The following PHLPP1 variants were observed in gnomAD, a reference collection of about 807,000 sequenced individuals.
PHLPP1 encodes the protein PH domain leucine-rich repeat-containing protein phosphatase 1.
Under a neutral mutation model 117.2 loss-of-function variants are expected in PHLPP1, and 42 were observed. The observed-to-expected ratio is 0.36, with a 90% CI of 0.28 to 0.46. The LOEUF is 0.46. Among genes scored for constraint, PHLPP1 ranks in the 20% least tolerant of loss-of-function variants. The pLI, the probability that PHLPP1 is intolerant of heterozygous loss-of-function variation, is 1.00. For synonymous variants in PHLPP1, 1,042 were observed against 970.7 expected (o/e 1.07, Z -1.37); for missense variants, 2,084 against 2,241.9 (o/e 0.93, Z 1.42).
rs1599152331 is a variant in PHLPP1, at chr18:62,979,595, T to A, written c.*164T>A. On this transcript the variant is annotated 3_prime_UTR_variant, in exon 17 of 17. Transcript: ENST00000262719. The stretch of plus-strand genomic sequence containing the variant: ...GTAGGTTCTCTTTCTTTGGGTTATT[T>A]TTTTAAGTAATCACCACTTTCTTCT... The A allele has an allele frequency of 1.4e-6, 1 of 731,446 alleles. No individual in the cohort carries two copies. The highest frequency in any genetic ancestry group is 2.2e-6 in the Non-Finnish European group (1 of 455,438). The allele number at this position is 731,446 out of a possible 1,614,324, so 45.3% of individuals were successfully genotyped here. A position where few individuals can be genotyped will look rare whatever the true frequency, so the allele number is the denominator to read the frequency against.
chr18:62,771,463 T>A (rs543344786), intron 1 of PHLPP1, among the ~76,000 whole-genome samples: 1 of 152,336 alleles, frequency 6.6e-6, no homozygotes, highest in East Asian at 1.9e-4. Flanking sequence ...CAGAATTACC[T>A]GTACCATCTG....
intron 6 of PHLPP1, among the ~76,000 whole-genome samples, chr18:62,898,439 T>C (rs1352138024): frequency 6.6e-6 from 1 of 152,232 alleles, no homozygotes; most frequent in African/African-American, 2.4e-5. Context: ...TCACTGTGAC[T>C]GTTGTCTTCT....
chr18:62,862,597 G>A (rs1463214564), intron 4 of PHLPP1, among the ~76,000 whole-genome samples: 1 of 152,158 alleles, frequency 6.6e-6, no homozygotes, highest in African/African-American at 2.4e-5. Context: ...ATAATAGTTT[G>A]TCAGTTGCTC....
intron 3 of PHLPP1, among the ~76,000 whole-genome samples, chr18:62,854,092 A>G (rs1199112845): frequency 6.6e-6 from 1 of 152,168 alleles, no homozygotes; most frequent in Admixed American, 6.5e-5. Context: ...CCTACCCCAC[A>G]TACTGTTAAG....
At chr18:62,787,091 A>G (rs1224036133) in intron 1 of PHLPP1, among the ~76,000 whole-genome samples, 1 of 152,164 alleles carries the variant, frequency 6.6e-6, no homozygotes, top group Non-Finnish European at 1.5e-5. Flanking sequence ...GTGCAGGGAA[A>G]AAATTCAATT....
intron 9 of PHLPP1, 31 bp downstream of exon 9, chr18:62,915,039 C>T (rs1474377350): frequency 6.8e-7 from 1 of 1,472,578 alleles, no homozygotes; most frequent in East Asian, 2.3e-5. Context: ...GAGAGGATCT[C>T]ACAATAAATG....
chr18:62,761,415 G>A (rs1451514322), intron 1 of PHLPP1, among the ~76,000 whole-genome samples: 1 of 151,798 alleles, frequency 6.6e-6, no homozygotes, highest in African/African-American at 2.4e-5. Flanking sequence ...GGCAGATCAC[G>A]AGGTCATGAG....
At chr18:62,847,494 C>T (rs1368412856) in intron 3 of PHLPP1, among the ~76,000 whole-genome samples, 1 of 152,008 alleles carries the variant, frequency 6.6e-6, no homozygotes, top group African/African-American at 2.4e-5. Flanking sequence ...CGGGTTTGAT[C>T]TGTATAATGT....
At chr18:62,951,201 T>G (rs570449482) in intron 12 of PHLPP1, among the ~76,000 whole-genome samples, 195 of 152,218 alleles carry the variant, frequency 1.3e-3, no homozygotes, top group African/African-American at 4.5e-3. Context: ...CAGGATGGTC[T>G]CAACCTCCTG....
Position 62,941,864 on chromosome 18 carries a change from C to T in PHLPP1, c.3107C>T (p.Pro1036Leu). ...TGTGTGCCCTTGTTAACGGGACACC[C>T]CCATTTGAAGATCCTTCACATGGCC... Reference protein sequence around the residue: ...DKCVPLLTGHPHLKILHMAYN... With the variant: ...DKCVPLLTGHLHLKILHMAYN... Residue 1036 changes from proline (P) to leucine (L), a missense_variant, in exon 11 of 17, where the codon CCC (proline) becomes CTC (leucine). Physicochemically the swap from Pro to Leu is moderately conservative, Grantham distance 98 (BLOSUM62 -3). This residue lies in a region of PHLPP1 where 1,365 missense variants were observed against 1,605.9 expected (regional missense o/e 0.85). Coordinates refer to ENST00000262719, the MANE Select transcript of PHLPP1 (RefSeq NM_194449.4). The T allele has an allele frequency of 6.2e-7, 1 of 1,613,956 alleles. No homozygotes were observed. Among genetic ancestry groups the T allele is most frequent in the South Asian group, 1.1e-5 (1 of 91,078 alleles).
At position 62,717,196 on chromosome 18, in the gene PHLPP1, C is replaced by A. The variant is rs770605037; in HGVS notation, c.1513C>A (p.Leu505Met). The change falls in exon 1 of 17, where the codon CTG becomes ATG. Residue 505 changes from leucine to methionine, a missense_variant. Physicochemically the swap from Leu to Met is conservative, Grantham distance 15. Coordinates refer to ENST00000262719, the MANE Select transcript of PHLPP1 (RefSeq NM_194449.4). ...DYLFQLGFGE[L>M]WRVQEEGMDS... Reference sequence around the variant, plus strand: ...CCTCTTCCAACTGGGATTTGGGGAGCTGTGGAGGGTGCAGGAGGAAGGCAT... The same window carrying A: ...CCTCTTCCAACTGGGATTTGGGGAGATGTGGAGGGTGCAGGAGGAAGGCAT... 1 of 1,613,122 alleles carries A rather than the reference C, an allele frequency of 6.2e-7. No homozygotes were observed. Among genetic ancestry groups the A allele is most frequent in the South Asian group, 1.1e-5 (1 of 90,922 alleles).
chr18:62,796,126 A>T (rs1202992760), intron 1 of PHLPP1, among the ~76,000 whole-genome samples: 3 of 152,246 alleles, frequency 2.0e-5, no homozygotes, highest in African/African-American at 4.8e-5. Context: ...TTCCTTGACA[A>T]ATCTGAAATT....
intron 15 of PHLPP1, among the ~76,000 whole-genome samples, 162 bp from the exon 16 acceptor site, chr18:62,975,235 A>G (rs1911153993): frequency 6.6e-6 from 1 of 152,156 alleles, no homozygotes; most frequent in Admixed American, 6.5e-5. Context: ...GGCTCTTTTC[A>G]TCAAAGAGGC....
chr18:62,810,341 G>A (rs1186515100), intron 1 of PHLPP1, among the ~76,000 whole-genome samples: 1 of 152,118 alleles, frequency 6.6e-6, no homozygotes, highest in Non-Finnish European at 1.5e-5. Flanking sequence ...TTGATCTCAG[G>A]TAAGATTTAG....
chr18:62,720,510 C>T (rs956317772), intron 1 of PHLPP1, among the ~76,000 whole-genome samples: 5 of 152,082 alleles, frequency 3.3e-5, no homozygotes, highest in Non-Finnish European at 5.9e-5. Flanking sequence ...TTTATTTTCT[C>T]TTCTGGGAAT....
At chr18:62,772,609 C>T (rs1224528668) in intron 1 of PHLPP1, among the ~76,000 whole-genome samples, 4 of 151,734 alleles carry the variant, frequency 2.6e-5, no homozygotes, top group South Asian at 2.1e-4. Context: ...GTGGGTGGAT[C>T]GCATGAGGTC....
chr18:62,879,404 A>ATGTG (rs61701836), intron 4 of PHLPP1, among the ~76,000 whole-genome samples: 712 of 145,922 alleles, frequency 4.9e-3, no homozygotes, highest in African/African-American at 8.4e-3. Context: ...TATTCTGGAT[A>ATGTG]TGTGTGTGTG....
At chr18:62,724,614 G>C (rs1425103265) in intron 1 of PHLPP1, among the ~76,000 whole-genome samples, 1 of 152,146 alleles carries the variant, frequency 6.6e-6, no homozygotes, top group Non-Finnish European at 1.5e-5. Context: ...CCCACACTGT[G>C]AATGTGTAAT....
intron 1 of PHLPP1, among the ~76,000 whole-genome samples, chr18:62,775,661 A>G (rs1912930546): frequency 6.6e-6 from 1 of 152,218 alleles, no homozygotes; most frequent in Non-Finnish European, 1.5e-5. Flanking sequence ...TGACACTATC[A>G]TTCACCTAGT....
Sources: gnomAD v4.1 joint callset for allele counts (sites outside exome capture counted in the v4.1 genomes callset) on GRCh38, gnomAD v4.1.1 for gene constraint, gnomAD v4.1.1 regional missense constraint, MANE v1.5 for transcripts, NCBI Gene and HGNC (gene_info 2026-07-23, HGNC 2026-07-21) for gene names.